RBFOX1: variants seen among roughly 807,000 people sequenced by gnomAD.
The protein encoded by RBFOX1 is RNA binding protein fox-1 homolog 1.
RBFOX1 carries 8 observed loss-of-function variants against 57.7 expected under a neutral mutation model. The observed-to-expected ratio is 0.14, with a 90% CI of 0.08 to 0.25. The LOEUF (loss-of-function observed/expected upper bound fraction) is 0.25, where lower values mean the gene tolerates loss of function less well. Among genes scored for constraint, RBFOX1 ranks in the 10% least tolerant of loss-of-function variants. The pLI is 1.00. For missense variants in RBFOX1, 611 were observed against 548.5 expected, an observed-to-expected ratio of 1.11 and a Z score of -1.14; for synonymous variants, 326 against 222.4, an observed-to-expected ratio of 1.47 and a Z score of -4.15.
At chr16:7,514,147 G>C (rs575235560) in intron 4 of RBFOX1, among the ~76,000 whole-genome samples, 20 of 152,232 alleles carry the variant, frequency 1.3e-4, no homozygotes, top group African/African-American at 4.3e-4. Context: ...GTCTTGGTGG[G>C]CTGGGCAGTC....
intron 2 of RBFOX1, among the ~76,000 whole-genome samples, chr16:5,529,768 A>G (rs1299663764): frequency 6.6e-6 from 1 of 152,060 alleles, no homozygotes; most frequent in Non-Finnish European, 1.5e-5. Context: ...GGGTTTCACC[A>G]TGTTAGCCAG....
intron 4 of RBFOX1, among the ~76,000 whole-genome samples, chr16:7,250,377 T>A (rs1234575944): frequency 6.6e-6 from 1 of 152,222 alleles, no homozygotes; most frequent in Admixed American, 6.5e-5. Flanking sequence ...TTAAATGCTT[T>A]AAAGCCAGCT....
chr16:5,998,045 G>A (rs2060520925), intron 4 of RBFOX1, among the ~76,000 whole-genome samples: 1 of 152,174 alleles, frequency 6.6e-6, no homozygotes, highest in East Asian at 1.9e-4. Context: ...CTTGGTCATT[G>A]TTAATGTGCC....
At chr16:6,997,635 T>C (rs2092380383) in intron 3 of RBFOX1, among the ~76,000 whole-genome samples, 1 of 152,210 alleles carries the variant, frequency 6.6e-6, no homozygotes, top group African/African-American at 2.4e-5. Flanking sequence ...GCTTAATTTT[T>C]AAAGGGTCTT....
At chr16:6,625,686 G>C (rs183575795) in intron 2 of RBFOX1, among the ~76,000 whole-genome samples, 2 of 149,876 alleles carry the variant, frequency 1.3e-5, no homozygotes, top group Admixed American at 6.6e-5. Context: ...TGCCTTATCA[G>C]TATCTCTTCC....
chr16:6,369,173 C>T (rs1230019579), intron 2 of RBFOX1, among the ~76,000 whole-genome samples: 2 of 152,106 alleles, frequency 1.3e-5, no homozygotes, highest in South Asian at 2.1e-4. Context: ...CTAACTTGGG[C>T]ATAGGAAGCA....
intron 3 of RBFOX1, among the ~76,000 whole-genome samples, chr16:6,887,124 C>T (rs186542767): frequency 3.9e-5 from 6 of 152,264 alleles, no homozygotes; most frequent in South Asian, 4.2e-4. Flanking sequence ...TCATGAAGTT[C>T]CTTTACATTG....
At chr16:6,797,239 G>T (rs570846101) in intron 3 of RBFOX1, among the ~76,000 whole-genome samples, 7 of 152,252 alleles carry the variant, frequency 4.6e-5, no homozygotes, top group African/African-American at 1.7e-4. Flanking sequence ...TGCCTTTGAT[G>T]GATATTGTTA....
At chr16:6,808,483 T>C (rs2087526301) in intron 3 of RBFOX1, among the ~76,000 whole-genome samples, 2 of 152,120 alleles carry the variant, frequency 1.3e-5, no homozygotes. Context: ...TGAATAGCTC[T>C]CAGATGGAAA....
intron 3 of RBFOX1, among the ~76,000 whole-genome samples, chr16:6,852,893 C>A (rs968607750): frequency 1.3e-5 from 2 of 152,070 alleles, no homozygotes; most frequent in South Asian, 2.1e-4. Flanking sequence ...AACTAGCTGT[C>A]CACACAAGGT....
At chr16:7,399,522 T>C (rs962857270) in intron 4 of RBFOX1, among the ~76,000 whole-genome samples, 3 of 152,316 alleles carry the variant, frequency 2.0e-5, no homozygotes, top group Middle Eastern at 3.4e-3. Context: ...ATGGAGACTT[T>C]GGATACTTTG....
chr16:6,406,077 AC>A (rs2093270730), intron 2 of RBFOX1, among the ~76,000 whole-genome samples: 1 of 152,210 alleles, frequency 6.6e-6, no homozygotes, highest in South Asian at 2.1e-4. Context: ...GGTGGATCTT[AC>A]AGGGCTCAGC....
At chr16:5,701,316 A>G (rs932516138) in intron 3 of RBFOX1, among the ~76,000 whole-genome samples, 1 of 152,370 alleles carries the variant, frequency 6.6e-6, no homozygotes. Context: ...GCAAACAAAT[A>G]CAAAAGGAAA....
chr16:6,151,709 C>T (rs542520202), intron 1 of RBFOX1, among the ~76,000 whole-genome samples: 2 of 152,178 alleles, frequency 1.3e-5, no homozygotes, highest in Admixed American at 6.5e-5. Context: ...TGAGGCTACA[C>T]AGGCACTGCT....
intron 11 of RBFOX1, among the ~76,000 whole-genome samples, chr16:7,648,332 C>A (rs1358767865): frequency 6.6e-6 from 1 of 152,142 alleles, no homozygotes; most frequent in African/African-American, 2.4e-5. Context: ...TCAAGCGATT[C>A]TCCTGCCTCA....
chr16:5,797,302 G>T (rs1326506505), intron 3 of RBFOX1, among the ~76,000 whole-genome samples: 3 of 152,156 alleles, frequency 2.0e-5, no homozygotes, highest in Admixed American at 2.0e-4. Flanking sequence ...ACATCTTTGG[G>T]GTAGGCAGTT....
intron 2 of RBFOX1, among the ~76,000 whole-genome samples, chr16:5,530,931 TATAAAAAAAAAAAAAAAAAAAAA>T (rs2044444271): frequency 2.3e-5 from 2 of 88,120 alleles, no homozygotes; most frequent in African/African-American, 6.8e-5. Flanking sequence ...CTACTAAAAA[TATAAAAAAAAAAAAAAAAAAAAA>T]AAAAAAAAAA....
intron 5 of RBFOX1, among the ~76,000 whole-genome samples, chr16:7,545,532 A>G (rs2152501938): frequency 1.3e-5 from 2 of 152,258 alleles, no homozygotes; most frequent in South Asian, 4.2e-4. Flanking sequence ...AATAGGCGCC[A>G]GACAGGACTG....
At chr16:6,638,694 T>C (rs1271474470) in intron 2 of RBFOX1, among the ~76,000 whole-genome samples, 1 of 152,168 alleles carries the variant, frequency 6.6e-6, no homozygotes, top group Non-Finnish European at 1.5e-5. Context: ...TGTTGTCTTA[T>C]TACGAGCACT....
Sources: allele counts gnomAD v4.1 joint callset (sites outside exome capture counted in the v4.1 genomes callset), GRCh38; gene constraint gnomAD v4.1.1; transcripts MANE v1.5; gene names NCBI Gene and HGNC (gene_info 2026-07-23, HGNC 2026-07-21).